The following DCP1A variants were observed in gnomAD, a reference collection of about 807,000 sequenced individuals.
The protein encoded by DCP1A is mRNA-decapping enzyme 1A.
Under a neutral mutation model 58.0 loss-of-function variants are expected in DCP1A, and 20 were observed. The ratio of observed to expected loss-of-function variants is 0.34; its 90% confidence interval spans 0.24 to 0.50. The LOEUF (loss-of-function observed/expected upper bound fraction) is 0.50. Among genes scored for constraint, DCP1A ranks in the 20% least tolerant of loss-of-function variants. DCP1A has a pLI of 0.98. For missense variants in DCP1A, 613 were observed against 712.2 expected (o/e 0.86, Z 1.59); for synonymous variants, 285 against 275.1 (o/e 1.04, Z -0.36).
In DCP1A at chr3:53,284,178, C is replaced by T. The variant is rs1447822567; in HGVS notation, c.*3402G>A. The T allele has an allele frequency of 2.0e-5, 3 of 152,258 alleles. No individual in the cohort carries two copies. The highest frequency in any genetic ancestry group is 4.4e-5 in the Non-Finnish European group (3 of 68,070). The allele number at this position is 152,258 out of a possible 1,614,324, so 9.4% of individuals were successfully genotyped here. A position where few individuals can be genotyped will look rare whatever the true frequency, so the allele number is the denominator to read the frequency against. On this transcript the variant is annotated 3_prime_UTR_variant, in exon 10 of 10. Coordinates refer to ENST00000610213, the MANE Select transcript of DCP1A (RefSeq NM_018403.7). ...TCCTCACTCACACGGGCTGAGCCCA[C>T]TCGTGCCTGTGCCACCTCTCATTCC... is the stretch of plus-strand genomic sequence containing the variant.
intron 6 of DCP1A, among the ~76,000 whole-genome samples, chr3:53,295,180 C>T (rs1471928134): frequency 6.6e-6 from 1 of 152,124 alleles, no homozygotes; most frequent in African/African-American, 2.4e-5. Flanking sequence ...GTCTTCTCTC[C>T]CTGGTATGAG....
chr3:53,330,198 C>T (rs1396504861), intron 3 of DCP1A, among the ~76,000 whole-genome samples: 1 of 152,058 alleles, frequency 6.6e-6, no homozygotes, highest in Non-Finnish European at 1.5e-5. Context: ...TAAGAATAAA[C>T]ATGCATAGCT....
At chr3:53,312,656 G>A (rs909161176) in intron 4 of DCP1A, among the ~76,000 whole-genome samples, 22 of 151,684 alleles carry the variant, frequency 1.5e-4, no homozygotes, top group African/African-American at 4.1e-4. Flanking sequence ...CACCACACCC[G>A]GCTAATGTTT....
At chr3:53,287,935 G>T in intron 9 of DCP1A, 130 bp downstream of exon 9, 1 of 914,746 alleles carries the variant, frequency 1.1e-6, no homozygotes, top group Non-Finnish European at 1.6e-6. Context: ...GATTACAGGT[G>T]TGAGCCACTT....
At chr3:53,295,263 T>C (rs1707082102) in intron 6 of DCP1A, among the ~76,000 whole-genome samples, 1 of 152,120 alleles carries the variant, frequency 6.6e-6, no homozygotes, top group African/African-American at 2.4e-5. Context: ...GTAACTGTTG[T>C]GGAGGAAGAG....
intron 6 of DCP1A, among the ~76,000 whole-genome samples, chr3:53,297,874 C>G (rs572456731): frequency 6.6e-6 from 1 of 152,328 alleles, no homozygotes; most frequent in Middle Eastern, 3.4e-3. Flanking sequence ...ATAATCCAGA[C>G]AGCAATTTTT....
intron 2 of DCP1A, among the ~76,000 whole-genome samples, chr3:53,344,383 A>G (rs1314998510): frequency 6.6e-6 from 1 of 152,232 alleles, no homozygotes; most frequent in Non-Finnish European, 1.5e-5. Flanking sequence ...GTCAAAAATA[A>G]AAAATACGCC....
chr3:53,294,406 C>T (rs1463175388), intron 6 of DCP1A, among the ~76,000 whole-genome samples: 1 of 152,070 alleles, frequency 6.6e-6, no homozygotes, highest in Non-Finnish European at 1.5e-5. Flanking sequence ...GGTGGTATCA[C>T]TGCCTGGGCA....
rs199632820 is a variant in DCP1A, at chr3:53,292,437, T to C, written c.1015A>G (p.Ser339Gly). 437 of 1,613,846 alleles carry C rather than the reference T, an allele frequency of 2.7e-4. No individual in the cohort carries two copies. Among genetic ancestry groups the C allele is most frequent in the Non-Finnish European group, 2.6e-4 (312 of 1,179,890 alleles). The change falls in exon 7 of 10, where the codon AGC becomes GGC. Residue 339 changes from serine to glycine, a missense_variant. Coordinates refer to ENST00000610213, the MANE Select transcript of DCP1A (RefSeq NM_018403.7). ...AQVPPSLPRNSTMMQAVKTTP... is the reference protein window; with the variant it reads ...AQVPPSLPRNGTMMQAVKTTP... The stretch of plus-strand genomic sequence containing the variant: ...GTCTTCACTGCCTGCATCATGGTGC[T>C]GTTTCGAGGTAAGCTGGGGGGAACC...
At chr3:53,340,634 A>G (rs2089188399) in intron 3 of DCP1A, among the ~76,000 whole-genome samples, 1 of 150,328 alleles carries the variant, frequency 6.7e-6, no homozygotes, top group Admixed American at 6.7e-5. Flanking sequence ...TAGAAGCAAC[A>G]TTTCTCCAAC....
rs1706599274 is a variant in DCP1A, at chr3:53,285,437, C to T, written c.*2143G>A. 1.3e-5 allele frequency: 2 copies of T among 152,068 alleles called. No homozygotes were observed. The highest frequency in any genetic ancestry group is 1.3e-4 in the Admixed American group (2 of 15,280). 9.4% of individuals were successfully genotyped at this position (152,068 alleles called of 1,614,324 possible). A position where few individuals can be genotyped will look rare whatever the true frequency, so the allele number is the denominator to read the frequency against. On this transcript the variant is annotated 3_prime_UTR_variant, in exon 10 of 10. Transcript: ENST00000610213. ...TGGTAATCATGACATGAACTTCTGGCTTCTGAATTTTAAGTAAATACTTTG... is the reference window on the plus strand; with the variant it reads ...TGGTAATCATGACATGAACTTCTGGTTTCTGAATTTTAAGTAAATACTTTG...
In DCP1A at chr3:53,288,259, C is replaced by T. The variant is rs782769306; in HGVS notation, c.1474G>A (p.Ala492Thr). The T allele has an allele frequency of 5.6e-6, 9 of 1,612,474 alleles. No individual in the cohort carries two copies. Among genetic ancestry groups the T allele is most frequent in the Non-Finnish European group, 7.6e-6 (9 of 1,179,258 alleles). The change falls in exon 9 of 10, where the codon GCA becomes ACA. Residue 492 changes from alanine (A) to threonine (T), a missense_variant. By Grantham distance (58) the Ala-to-Thr change is moderately conservative. Coordinates refer to ENST00000610213, the MANE Select transcript of DCP1A (RefSeq NM_018403.7). ...IPVAGAPLVT[A>T]TTTAVSSVLL... ...ACTGAAGACACTGCAGTGGTCGTTG[C>T]AGTAACCAGTGGGGCGCCTGCAACC...
chr3:53,316,977 C>T (rs920575844), intron 4 of DCP1A, among the ~76,000 whole-genome samples: 1 of 152,168 alleles, frequency 6.6e-6, no homozygotes, highest in East Asian at 1.9e-4. Context: ...TAACACTTGC[C>T]CTGATAGATA....
At chr3:53,314,624 T>C (rs1559693437) in intron 4 of DCP1A, among the ~76,000 whole-genome samples, 1 of 151,940 alleles carries the variant, frequency 6.6e-6, no homozygotes, top group East Asian at 1.9e-4. Flanking sequence ...TCTGTGATTC[T>C]GTGATTATTT....
At chr3:53,299,790 T>C (rs782491246) in intron 6 of DCP1A, among the ~76,000 whole-genome samples, 4 of 152,250 alleles carry the variant, frequency 2.6e-5, no homozygotes, top group South Asian at 4.1e-4. Context: ...TTAAACTAAC[T>C]TTAGTCAATC....
In DCP1A at chr3:53,290,778, A is replaced by AAAAAAAC; in HGVS notation, c.1449+12_1449+13insGTTTTTT. 1.6e-6 allele frequency: 2 copies of AAAAAAAC among 1,225,426 alleles called. No individual in the cohort carries two copies. The highest frequency in any genetic ancestry group is 5.0e-5 in the East Asian group (2 of 40,260). 75.9% of individuals were successfully genotyped at this position (1,225,426 alleles called of 1,614,324 possible). A position where few individuals can be genotyped will look rare whatever the true frequency, so the allele number is the denominator to read the frequency against. On this transcript the variant is annotated intron_variant, in intron 8 of 9. Transcript: ENST00000610213. The stretch of plus-strand genomic sequence containing the variant: ...AAAAAAAAAAAAAAAAAAAAAAAAA[A>AAAAAAAC]GCGAGTCCTTACCGGGATGGCACTG...
Position 53,287,405 on chromosome 3 carries a change from G to T in DCP1A, c.*175C>A. The T allele has an allele frequency of 6.2e-6, 1 of 160,368 alleles. No individual in the cohort carries two copies. The allele number at this position is 160,368 out of a possible 1,614,324, so 9.9% of individuals were successfully genotyped here. A position where few individuals can be genotyped will look rare whatever the true frequency, so the allele number is the denominator to read the frequency against. ...GGATCTGCTGGTGATGCTTCACAGT[G>T]AAACCTCCATTATCACTGAGAATGT... On this transcript the variant is annotated 3_prime_UTR_variant, in exon 10 of 10. Transcript: ENST00000610213.
At position 53,347,488 on chromosome 3, in the gene DCP1A, C is replaced by T. The variant is rs962792575; in HGVS notation, c.30G>A (p.Glu10=). 4 of 1,613,116 alleles carry T rather than the reference C, an allele frequency of 2.5e-6. No individual in the cohort carries two copies. The highest frequency in any genetic ancestry group is 3.3e-5 in the Admixed American group (2 of 59,952). Residue 10 remains glutamate (E), a synonymous_variant, in exon 1 of 10, where the codon GAG becomes GAA. Transcript: ENST00000610213. MEALSRAGQ[E]MSLAALKQHD... Reference sequence around the variant, plus strand: ...GTTGCTTCAGGGCCGCTAGGCTCATCTCCTGCCCAGCTCGACTCAGCGCCT... The same window carrying T: ...GTTGCTTCAGGGCCGCTAGGCTCATTTCCTGCCCAGCTCGACTCAGCGCCT...
chr3:53,289,009 C>T (rs1706753862), intron 8 of DCP1A, among the ~76,000 whole-genome samples: 1 of 151,126 alleles, frequency 6.6e-6, no homozygotes, highest in South Asian at 2.1e-4. Flanking sequence ...AGAAAGACTC[C>T]ATCTCGTCTT....
Sources: allele counts gnomAD v4.1 joint callset (sites outside exome capture counted in the v4.1 genomes callset), GRCh38; gene constraint gnomAD v4.1.1; transcripts MANE v1.5; gene names NCBI Gene and HGNC (gene_info 2026-07-23, HGNC 2026-07-21).